AFF3: variants seen among roughly 807,000 people sequenced by gnomAD.
The protein encoded by AFF3 is AF4/FMR2 family member 3.
AFF3 carries 32 observed loss-of-function variants against 129.7 expected under a neutral mutation model. That is an observed-to-expected ratio of 0.25 (90% CI 0.19 to 0.33). The LOEUF is 0.33. AFF3 is among the 10% of genes least tolerant of loss of function. The pLI is 1.00. For synonymous variants in AFF3, 644 were observed against 635.4 expected (o/e 1.01, Z -0.20); for missense variants, 1,373 against 1,592.0 (o/e 0.86, Z 2.34).
At chr2:99,964,636 T>C (rs1307548931) in intron 7 of AFF3, among the ~76,000 whole-genome samples, 2 of 152,194 alleles carry the variant, frequency 1.3e-5, no homozygotes, top group Non-Finnish European at 2.9e-5. Context: ...TTTACAGTAC[T>C]AAATGCCTAC....
chr2:100,017,978 T>C lies in AFF3; in HGVS notation c.54-9046A>G, dbSNP rs548339250. 3.9e-5 allele frequency among the ~76,000 whole-genome samples: 6 copies of C among 152,168 alleles called. No individual in the cohort carries two copies. In the South Asian group the frequency reaches 1.2e-3, roughly 32 times the overall value. On this transcript the variant is annotated intron_variant, in intron 4 of 24. Transcript: ENST00000672756. ...TACAGATCATGCCTGTTTCAGTTCATTCTTCCAAGATCTGCTATGCCTCCT... is the reference window on the plus strand; with the variant it reads ...TACAGATCATGCCTGTTTCAGTTCACTCTTCCAAGATCTGCTATGCCTCCT...
rs559656153 is a variant in AFF3 at position 99,595,879 on chromosome 2, T to A, written c.1372-1590A>T. On this transcript the variant is annotated intron_variant, in intron 14 of 24. Transcript: ENST00000672756. The stretch of plus-strand genomic sequence containing the variant: ...AGAGCTATGACAGGGACCATGGACA[T>A]CTTGCTGGTTGCCCCAAACCAGATG... 2.0e-5 allele frequency among the ~76,000 whole-genome samples: 3 copies of A among 152,332 alleles called. No homozygotes were observed. In the East Asian group the frequency reaches 5.8e-4, roughly 29 times the overall value.
intron 7 of AFF3, among the ~76,000 whole-genome samples, chr2:99,967,676 C>T (rs1331922293): frequency 1.3e-5 from 2 of 152,200 alleles, no homozygotes; most frequent in Non-Finnish European, 2.9e-5. Context: ...TTATACGGTA[C>T]CACCATATCC....
At chr2:100,020,155 T>G (rs2104859459) in intron 4 of AFF3, among the ~76,000 whole-genome samples, 1 of 152,156 alleles carries the variant, frequency 6.6e-6, no homozygotes, top group East Asian at 1.9e-4. Context: ...AGGCTTCAAC[T>G]TCCTCATGGG....
chr2:99,643,221 A>G (rs1684378778), intron 13 of AFF3, among the ~76,000 whole-genome samples: 1 of 151,806 alleles, frequency 6.6e-6, no homozygotes, highest in South Asian at 2.1e-4. Flanking sequence ...CACCACGCCC[A>G]GCTAATTTTT....
At chr2:99,913,508 A>T (rs1695248896) in intron 7 of AFF3, among the ~76,000 whole-genome samples, 1 of 152,230 alleles carries the variant, frequency 6.6e-6, no homozygotes, top group South Asian at 2.1e-4. Context: ...ATACGTATGT[A>T]TATGTATATA....
chr2:99,577,601 C>A (rs956904820), intron 18 of AFF3, among the ~76,000 whole-genome samples: 1 of 152,210 alleles, frequency 6.6e-6, no homozygotes, highest in African/African-American at 2.4e-5. Flanking sequence ...ATTTGACGCC[C>A]GTAGGACTGC....
intron 7 of AFF3, among the ~76,000 whole-genome samples, chr2:99,978,286 G>C (rs1265899041): frequency 6.6e-6 from 1 of 152,122 alleles, no homozygotes; most frequent in Non-Finnish European, 1.5e-5. Flanking sequence ...ATATGTGAGT[G>C]CCTGTTGTAA....
At position 99,547,421 on chromosome 2, in the gene AFF3, T is replaced by C. The variant is rs947000500; in HGVS notation, c.*4053A>G. On this transcript the variant is annotated 3_prime_UTR_variant, in exon 25 of 25. Coordinates refer to ENST00000672756, the MANE Select transcript of AFF3 (RefSeq NM_001386135.1). Reference sequence around the variant, plus strand: ...AAGGCTGGTGACTGCTAAAGTCTCTTGGGAATCTACAAATAGGAAATCACA... The same window carrying C: ...AAGGCTGGTGACTGCTAAAGTCTCTCGGGAATCTACAAATAGGAAATCACA... 2.3e-5 allele frequency: 5 copies of C among 217,232 alleles called. No homozygotes were observed. The highest frequency in any genetic ancestry group is 4.6e-5 in the Non-Finnish European group (5 of 107,914). The allele number at this position is 217,232 out of a possible 1,614,324, so 13.5% of individuals were successfully genotyped here. A position where few individuals can be genotyped will look rare whatever the true frequency, so the allele number is the denominator to read the frequency against.
chr2:99,779,277 T>C (rs1265026201), intron 8 of AFF3, among the ~76,000 whole-genome samples: 1 of 152,206 alleles, frequency 6.6e-6, no homozygotes, highest in African/African-American at 2.4e-5. Flanking sequence ...TCTGTATCTA[T>C]TGAGATGGCC....
chr2:99,584,099 A>G (rs1270300060), intron 16 of AFF3, among the ~76,000 whole-genome samples: 1 of 152,208 alleles, frequency 6.6e-6, no homozygotes, highest in East Asian at 1.9e-4. Context: ...AACCTGCAAT[A>G]TGTGAAGCCA....
intron 7 of AFF3, among the ~76,000 whole-genome samples, chr2:99,928,002 G>GT (rs1323719808): frequency 2.0e-5 from 3 of 152,100 alleles, no homozygotes; most frequent in African/African-American, 7.2e-5. Context: ...AAAAATGGGA[G>GT]TTCCCCTACA....
intron 7 of AFF3, 81 bp downstream of exon 7, chr2:100,006,551 A>T: frequency 6.8e-7 from 1 of 1,470,410 alleles, no homozygotes; most frequent in Non-Finnish European, 9.0e-7. Context: ...AAAAAAAGAA[A>T]CATGGAAACT....
At chr2:100,072,851 T>G (rs1688301425) in intron 4 of AFF3, among the ~76,000 whole-genome samples, 1 of 152,358 alleles carries the variant, frequency 6.6e-6, no homozygotes, top group African/African-American at 2.4e-5. Context: ...TTTCCCTCTT[T>G]CCTGCCATCC....
intron 4 of AFF3, among the ~76,000 whole-genome samples, chr2:100,015,774 G>A (rs369965661): frequency 2.6e-5 from 4 of 152,220 alleles, no homozygotes; most frequent in Admixed American, 2.0e-4. Context: ...AAGGTAGAAC[G>A]TGGTAAAAAG....
chr2:99,853,905 T>C (rs570330551), intron 7 of AFF3, among the ~76,000 whole-genome samples: 41 of 152,314 alleles, frequency 2.7e-4, no homozygotes, highest in Non-Finnish European at 5.4e-4. Flanking sequence ...ATCCTTGGTG[T>C]TTCAAATGAA....
intron 15 of AFF3, among the ~76,000 whole-genome samples, chr2:99,589,112 C>T (rs1678406981): frequency 6.6e-6 from 1 of 152,174 alleles, no homozygotes; most frequent in Non-Finnish European, 1.5e-5. Context: ...CTATATATTA[C>T]CAATGTCTAT....
chr2:100,006,706 C>G lies in AFF3; in HGVS notation c.799G>C (p.Val267Leu), dbSNP rs1190411816. Reference protein sequence around the residue: ...TSVHCTSYRGVPASKPEPARA... With the variant: ...TSVHCTSYRGLPASKPEPARA... The stretch of plus-strand genomic sequence containing the variant: ...GCAGGCTCCGGCTTGCTGGCAGGGA[C>G]TCCCCTGTATGATGTGCAGTGCACG... The change falls in exon 7 of 25, where the codon GTC becomes CTC. Residue 267 changes from valine to leucine, a missense_variant. By Grantham distance (32) the Val-to-Leu change is conservative. This residue lies in a region of AFF3 where 413 missense variants were observed against 424.4 expected (regional missense o/e 0.97). Coordinates refer to ENST00000672756, the MANE Select transcript of AFF3 (RefSeq NM_001386135.1). The G allele has an allele frequency of 1.5e-5, 25 of 1,613,996 alleles. No individual in the cohort carries two copies. The highest frequency in any genetic ancestry group is 2.1e-5 in the Non-Finnish European group (25 of 1,179,942).
chr2:99,832,001 G>A (rs1049705355), intron 8 of AFF3, among the ~76,000 whole-genome samples: 10 of 152,292 alleles, frequency 6.6e-5, no homozygotes, highest in African/African-American at 1.9e-4. Context: ...CTGTTCAAAG[G>A]TACTGAGTAC....
Sources: gnomAD v4.1 joint callset for allele counts (sites outside exome capture counted in the v4.1 genomes callset) on GRCh38, gnomAD v4.1.1 for gene constraint, gnomAD v4.1.1 regional missense constraint, MANE v1.5 for transcripts, NCBI Gene and HGNC (gene_info 2026-07-23, HGNC 2026-07-21) for gene names.